The following BRD10 variants were observed in gnomAD, a reference collection of about 807,000 sequenced individuals.
BRD10 encodes bromodomain containing 10.
At chr9:5,940,528 A>G in the BRD10 span, among the ~76,000 whole-genome samples, 1 of 152,228 alleles carries the variant, frequency 6.6e-6, no homozygotes, top group African/African-American at 2.4e-5. Flanking sequence ...CATTTCACAA[A>G]TATTTCCGTA....
the BRD10 span, chr9:5,923,303 A>C: frequency 6.3e-7 from 1 of 1,591,664 alleles, no homozygotes; most frequent in Non-Finnish European, 8.6e-7. Context: ...TGACAACTTC[A>C]TATCATCTGA....
chr9:6,000,618 T>C, the BRD10 span, among the ~76,000 whole-genome samples: 871 of 152,318 alleles, frequency 5.7e-3, 9 homozygotes, highest in African/African-American at 0.02. Flanking sequence ...GTCTTAATTC[T>C]AAATCATTCT....
At chr9:5,975,857 G>A in the BRD10 span, among the ~76,000 whole-genome samples, 1 of 151,992 alleles carries the variant, frequency 6.6e-6, no homozygotes, top group Non-Finnish European at 1.5e-5. Flanking sequence ...TTAGTTTGGG[G>A]GTTAAAAATG....
At chr9:5,884,412 C>A in the BRD10 span, among the ~76,000 whole-genome samples, 1 of 152,238 alleles carries the variant, frequency 6.6e-6, no homozygotes, top group Non-Finnish European at 1.5e-5. Flanking sequence ...CTTTCTTGCA[C>A]TTGGAGCTCC....
chr9:6,005,208 G>T, the BRD10 span, among the ~76,000 whole-genome samples: 1 of 152,174 alleles, frequency 6.6e-6, no homozygotes, highest in East Asian at 1.9e-4. Context: ...TCTTTTTTAA[G>T]ACTAAGAAAT....
chr9:5,907,966 A>T, the BRD10 span, among the ~76,000 whole-genome samples: 1 of 152,096 alleles, frequency 6.6e-6, no homozygotes, highest in South Asian at 2.1e-4. Context: ...AAATAAATAA[A>T]TAAAATAAAA....
At chr9:5,947,656 T>C in the BRD10 span, among the ~76,000 whole-genome samples, 1 of 152,090 alleles carries the variant, frequency 6.6e-6, no homozygotes, top group Non-Finnish European at 1.5e-5. Context: ...ATTAACCTTT[T>C]ATAAAACTGA....
At chr9:5,927,289 A>C in the BRD10 span, among the ~76,000 whole-genome samples, 1 of 152,178 alleles carries the variant, frequency 6.6e-6, no homozygotes, top group Non-Finnish European at 1.5e-5. Context: ...ACCTAAGCTA[A>C]CACCTCCATT....
chr9:5,942,013 T>G, the BRD10 span, among the ~76,000 whole-genome samples: 1 of 151,978 alleles, frequency 6.6e-6, no homozygotes, highest in African/African-American at 2.4e-5. Context: ...AAAGAAATAT[T>G]TTATAAATAT....
the BRD10 span, chr9:5,924,787 T>A: frequency 1.0e-5 from 16 of 1,591,268 alleles, no homozygotes; most frequent in Non-Finnish European, 1.3e-5. Context: ...AGTTCTCTAT[T>A]AAATGTATCA....
At chr9:5,989,385 C>T in the BRD10 span, among the ~76,000 whole-genome samples, 4 of 146,414 alleles carry the variant, frequency 2.7e-5, no homozygotes, top group Non-Finnish European at 4.5e-5. Flanking sequence ...GAGCTGAGAT[C>T]GTACCACTCC....
the BRD10 span, among the ~76,000 whole-genome samples, chr9:5,958,574 C>A: frequency 6.6e-6 from 1 of 152,132 alleles, no homozygotes; most frequent in African/African-American, 2.4e-5. Context: ...ATGGCTTGCG[C>A]CCCGGAGTTC....
chr9:5,987,641 C>A, the BRD10 span, among the ~76,000 whole-genome samples: 3 of 152,132 alleles, frequency 2.0e-5, no homozygotes, highest in African/African-American at 7.2e-5. Flanking sequence ...ACAAGAAGAG[C>A]AACAAAATAT....
the BRD10 span, among the ~76,000 whole-genome samples, chr9:5,986,794 C>T: frequency 1.3e-5 from 2 of 152,172 alleles, no homozygotes; most frequent in Non-Finnish European, 2.9e-5. Flanking sequence ...GATGTCAGGG[C>T]ACACATAGAT....
chr9:5,948,078 C>T, the BRD10 span, among the ~76,000 whole-genome samples: 1 of 152,158 alleles, frequency 6.6e-6, no homozygotes, highest in South Asian at 2.1e-4. Context: ...GGCTGTCACA[C>T]TCCCTCAAGT....
the BRD10 span, among the ~76,000 whole-genome samples, chr9:5,976,548 T>C: frequency 9.2e-5 from 14 of 152,182 alleles, no homozygotes; most frequent in Admixed American, 2.6e-4. Context: ...ATGAGCTCAC[T>C]ATAAAATCAC....
At chr9:5,997,115 C>T in the BRD10 span, among the ~76,000 whole-genome samples, 1 of 152,208 alleles carries the variant, frequency 6.6e-6, no homozygotes, top group African/African-American at 2.4e-5. Flanking sequence ...TAGAGCAAGT[C>T]TTAGCGCCTG....
chr9:5,991,465 G>A, the BRD10 span, among the ~76,000 whole-genome samples: 3 of 152,134 alleles, frequency 2.0e-5, no homozygotes, highest in Non-Finnish European at 4.4e-5. Context: ...ACTCACGCCT[G>A]TAATCCCAAC....
the BRD10 span, chr9:5,914,170 GCAT>G: frequency 1.3e-5 from 5 of 373,994 alleles, no homozygotes; most frequent in African/African-American, 4.3e-5. Context: ...GGGATCCCAT[GCAT>G]CATCATGTCT....
Sources: allele counts gnomAD v4.1 joint callset (sites outside exome capture counted in the v4.1 genomes callset), GRCh38; gene constraint gnomAD v4.1.1; transcripts MANE v1.5; gene names NCBI Gene and HGNC (gene_info 2026-07-23, HGNC 2026-07-21).